Variants in C2orf42 observed in about 807,000 individuals in gnomAD.
The protein encoded by C2orf42 is chromosome 2 open reading frame 42, also known as uncharacterized protein C2orf42.
A neutral mutation model predicts 58.9 loss-of-function variants in C2orf42; 44 were observed. The observed-to-expected ratio is 0.75, with a 90% CI of 0.59 to 0.96. The LOEUF (loss-of-function observed/expected upper bound fraction) is 0.96, where lower values mean the gene tolerates loss of function less well. Among genes scored for constraint, C2orf42 ranks in the 40% least tolerant of loss-of-function variants. The pLI, the probability that C2orf42 is intolerant of heterozygous loss-of-function variation, is 0.00. For synonymous variants in C2orf42, 239 were observed against 265.4 expected, an observed-to-expected ratio of 0.90 and a Z score of 0.97; for missense variants, 630 against 699.2, an observed-to-expected ratio of 0.90 and a Z score of 1.12.
chr2:70,188,690 T>C (rs1675119977), intron 1 of C2orf42, among the ~76,000 whole-genome samples: 1 of 152,174 alleles, frequency 6.6e-6, no homozygotes, highest in African/African-American at 2.4e-5. Context: ...TTGCCCCTTT[T>C]TTCTGTTTCT....
intron 4 of C2orf42, among the ~76,000 whole-genome samples, chr2:70,176,417 T>G (rs1674195612): frequency 6.6e-6 from 1 of 151,078 alleles, no homozygotes. Context: ...GGCAGGAGAA[T>G]CGCCTGAACC....
chr2:70,172,656 G>C (rs116611445), intron 5 of C2orf42, among the ~76,000 whole-genome samples: 1 of 152,058 alleles, frequency 6.6e-6, no homozygotes, highest in Non-Finnish European at 1.5e-5. Context: ...CTGAGTGACA[G>C]AGCAAGACCT....
chr2:70,189,406 C>CAAAAAA lies in C2orf42; in HGVS notation c.-282+1561_-282+1566dup, dbSNP rs1182514916. On this transcript the variant is annotated intron_variant, in intron 1 of 9. Coordinates refer to ENST00000264434, the MANE Select transcript of C2orf42 (RefSeq NM_017880.3). Reference sequence around the variant, plus strand: ...GGGGAACAAGAGAGAAACTCCATCTCAAAAAAAAAAAAAAAAAAAAAAAAA... The same window carrying CAAAAAA: ...GGGGAACAAGAGAGAAACTCCATCTCAAAAAAAAAAAAAAAAAAAAAAAAAAAAAAA... Among the ~76,000 whole-genome samples, 20 of 27,142 alleles carry CAAAAAA rather than the reference C, an allele frequency of 7.4e-4. 1 individual carries two copies. The highest frequency in any genetic ancestry group is 1.6e-3 in the African/African-American group (17 of 10,520). The allele number at this position is 27,142 out of a possible 152,430, so 17.8% of individuals were successfully genotyped here.
chr2:70,185,779 A>G (rs1026684030), intron 1 of C2orf42, among the ~76,000 whole-genome samples: 2 of 150,138 alleles, frequency 1.3e-5, no homozygotes, highest in Non-Finnish European at 2.9e-5. Context: ...ACACACATAT[A>G]TATATATACA....
In C2orf42 at chr2:70,150,425, G is replaced by A. The variant is rs376822689; in HGVS notation, c.1656C>T (p.Tyr552=). 59 of 1,614,046 alleles carry A rather than the reference G, an allele frequency of 3.7e-5. No homozygotes were observed. Among genetic ancestry groups the A allele is most frequent in the Non-Finnish European group, 4.5e-5 (53 of 1,180,034 alleles). The change falls in exon 10 of 10, where the codon TAC becomes TAT. Residue 552 remains tyrosine (Y), a synonymous_variant. Coordinates refer to ENST00000264434, the MANE Select transcript of C2orf42 (RefSeq NM_017880.3). ...GHHRNGHVAE[Y]QDQRPPLDQP... ...GGTCCAAGGGGGGCCGCTGGTCTTG[G>A]TACTCCGCCACATGCCCATTCCGGT...
intron 3 of C2orf42, among the ~76,000 whole-genome samples, chr2:70,179,862 C>A (rs1195432040): frequency 6.6e-6 from 1 of 151,934 alleles, no homozygotes; most frequent in African/African-American, 2.4e-5. Context: ...CACTTTAGCC[C>A]AGGAGGGTCA....
At chr2:70,169,247 C>CCACACACACACACA (rs35414580) in intron 6 of C2orf42, among the ~76,000 whole-genome samples, 4 of 141,046 alleles carry the variant, frequency 2.8e-5, no homozygotes, top group African/African-American at 1.0e-4. Context: ...ATCTCCCTCA[C>CCACACACACACACA]CACACACACA....
chr2:70,178,228 A>T (rs1257068312), intron 4 of C2orf42, among the ~76,000 whole-genome samples: 1 of 152,132 alleles, frequency 6.6e-6, no homozygotes, highest in African/African-American at 2.4e-5. Context: ...AGGTCTCTTG[A>T]TGCTTACCTA....
rs528605413 is a variant in C2orf42 at position 70,155,102 on chromosome 2, G to A, written c.1517-4538C>T. On this transcript the variant is annotated intron_variant, in intron 9 of 9. Transcript: ENST00000264434. ...CTACTAAAAATACAAAAATTAGCTGGGCATGATGGCACAGGCCTGTAGTCC... is the reference window on the plus strand; with the variant it reads ...CTACTAAAAATACAAAAATTAGCTGAGCATGATGGCACAGGCCTGTAGTCC... Among the ~76,000 whole-genome samples the A allele has an allele frequency of 2.4e-4, 36 of 152,088 alleles. 1 individual carries two copies. The South Asian group carries it at 4.8e-3, about 20-fold the overall frequency.
intron 5 of C2orf42, among the ~76,000 whole-genome samples, chr2:70,174,404 C>T (rs1674049531): frequency 6.6e-6 from 1 of 151,976 alleles, no homozygotes. Flanking sequence ...GCTTCTATAC[C>T]CTTCATCCGG....
At chr2:70,150,611 G>A (rs201571848) in intron 9 of C2orf42, 47 bp from the exon 10 acceptor site, 5 of 1,429,720 alleles carry the variant, frequency 3.5e-6, no homozygotes, top group Non-Finnish European at 4.9e-6. Flanking sequence ...TAACTCTAAT[G>A]GGTGTTCCTA....
chr2:70,181,742 G>C lies in C2orf42; in HGVS notation c.244C>G (p.Arg82Gly). The change falls in exon 3 of 10, where the codon CGG becomes GGG. Residue 82 changes from arginine (R) to glycine (G), a missense_variant. Coordinates refer to ENST00000264434, the MANE Select transcript of C2orf42 (RefSeq NM_017880.3). ...ACAAAGCATCGGTAATCAGGGCCCC[G>C]GTCTCTTTGCCGCACTGAGTAGACC... The part of the protein sequence containing the change: ...LQVYSVRQRD[R>G]GPDYRCFVEL... The C allele has an allele frequency of 6.2e-7, 1 of 1,614,090 alleles. No individual in the cohort carries two copies. Among genetic ancestry groups the C allele is most frequent in the Non-Finnish European group, 8.5e-7 (1 of 1,180,000 alleles).
chr2:70,162,325 C>T (rs1253762269), intron 8 of C2orf42, among the ~76,000 whole-genome samples: 1 of 139,642 alleles, frequency 7.2e-6, no homozygotes, highest in African/African-American at 3.0e-5. Flanking sequence ...TGCTTTCTTT[C>T]TTTCTTTCTT....
intron 9 of C2orf42, among the ~76,000 whole-genome samples, chr2:70,159,170 G>A (rs1672896084): frequency 6.6e-6 from 1 of 152,092 alleles, no homozygotes; most frequent in Non-Finnish European, 1.5e-5. Context: ...ACAGGCGTGA[G>A]CCACCGTGCC....
At chr2:70,168,278 A>C (rs1673542597) in intron 6 of C2orf42, among the ~76,000 whole-genome samples, 1 of 143,092 alleles carries the variant, frequency 7.0e-6, no homozygotes, top group African/African-American at 2.7e-5. Context: ...CACCATGCCC[A>C]GCTATAGGAT....
At chr2:70,171,788 G>A (rs1269002810) in intron 5 of C2orf42, among the ~76,000 whole-genome samples, 1 of 151,904 alleles carries the variant, frequency 6.6e-6, no homozygotes, top group Non-Finnish European at 1.5e-5. Context: ...GGCATTACAG[G>A]CATGAGCCAC....
chr2:70,183,146 A>T (rs1241736316), intron 1 of C2orf42, among the ~76,000 whole-genome samples: 1 of 152,168 alleles, frequency 6.6e-6, no homozygotes, highest in Admixed American at 6.6e-5. Context: ...GTTGTCAAGA[A>T]CACTTTAGAG....
chr2:70,183,328 C>T (rs761573530), intron 1 of C2orf42, among the ~76,000 whole-genome samples: 7 of 152,020 alleles, frequency 4.6e-5, no homozygotes, highest in Non-Finnish European at 1.0e-4. Context: ...GTCCCAGCTA[C>T]GTTGGAGGCA....
In C2orf42 at chr2:70,182,715, A is replaced by T. The variant is rs1442740652; in HGVS notation, c.-61T>A. 6.6e-6 allele frequency: 1 copy of T among 152,196 alleles called. No individual in the cohort carries two copies. Among genetic ancestry groups the T allele is most frequent in the Non-Finnish European group, 1.5e-5 (1 of 68,036 alleles). The allele number at this position is 152,196 out of a possible 1,614,324, so 9.4% of individuals were successfully genotyped here. A position where few individuals can be genotyped will look rare whatever the true frequency, so the allele number is the denominator to read the frequency against. On this transcript the variant is annotated 5_prime_UTR_variant, in exon 2 of 10. Transcript: ENST00000264434. Reference sequence around the variant, plus strand: ...GGAAAACAGTGTAACCTGAATTCATAAGACTTAAAAGGTGTTTCATTAGTT... The same window carrying T: ...GGAAAACAGTGTAACCTGAATTCATTAGACTTAAAAGGTGTTTCATTAGTT...
Sources: allele counts gnomAD v4.1 joint callset (sites outside exome capture counted in the v4.1 genomes callset), GRCh38; gene constraint gnomAD v4.1.1; transcripts MANE v1.5; gene names NCBI Gene and HGNC (gene_info 2026-07-23, HGNC 2026-07-21).